MICAL2: variants seen among roughly 807,000 people sequenced by gnomAD.
MICAL2 encodes microtubule associated monooxygenase, calponin and LIM domain containing 2.
A neutral mutation model predicts 127.3 loss-of-function variants in MICAL2; 77 were observed. That is an observed-to-expected ratio of 0.60 (90% confidence interval 0.50 to 0.73). The LOEUF (loss-of-function observed/expected upper bound fraction) is 0.73, where lower values mean the gene tolerates loss of function less well. MICAL2 is among the 30% of genes least tolerant of loss of function. The pLI is 0.00. For missense variants in MICAL2, 1,351 were observed against 1,434.4 expected (o/e 0.94, Z 0.94); for synonymous variants, 570 against 551.1 (o/e 1.03, Z -0.48).
At chr11:12,317,960 T>C (rs1054448067) in intron 29 of MICAL2, among the ~76,000 whole-genome samples, 1 of 152,240 alleles carries the variant, frequency 6.6e-6, no homozygotes, top group African/African-American at 2.4e-5. Flanking sequence ...GAAATATTTA[T>C]TTTTTGAAAG....
chr11:12,357,424 TC>T (rs1220648042), intron 34 of MICAL2, among the ~76,000 whole-genome samples: 1 of 152,228 alleles, frequency 6.6e-6, no homozygotes, highest in African/African-American at 2.4e-5. Flanking sequence ...GGTCAGGTAC[TC>T]GAGAAGACAA....
chr11:12,326,394 A>G (rs1864353463), intron 31 of MICAL2, among the ~76,000 whole-genome samples: 1 of 152,242 alleles, frequency 6.6e-6, no homozygotes, highest in Non-Finnish European at 1.5e-5. Context: ...ACTTCTTTCT[A>G]ATATACACAA....
upstream of MICAL2, chr11:12,274,381 CTTA>C: frequency 6.6e-6 from 1 of 152,102 alleles, no homozygotes; most frequent in Non-Finnish European, 1.5e-5. Context: ...AAAATCACTG[CTTA>C]CATTCTAGTC....
intron 29 of MICAL2, among the ~76,000 whole-genome samples, chr11:12,308,512 G>A (rs1864138400): frequency 6.6e-6 from 1 of 152,064 alleles, no homozygotes. Context: ...ACTATTTCAT[G>A]TTTTTGTTGC....
intron 3 of MICAL2, among the ~76,000 whole-genome samples, chr11:12,197,177 A>G (rs1417371580): frequency 1.3e-5 from 2 of 152,202 alleles, no homozygotes; most frequent in African/African-American, 2.4e-5. Flanking sequence ...ATGCTCTGCC[A>G]CATAACACTT....
chr11:12,203,166 T>C (rs1316766411), intron 3 of MICAL2, among the ~76,000 whole-genome samples: 1 of 152,234 alleles, frequency 6.6e-6, no homozygotes, highest in Non-Finnish European at 1.5e-5. Context: ...TCATCAGTGG[T>C]GGCCATTTAG....
intron 11 of MICAL2, among the ~76,000 whole-genome samples, chr11:12,223,053 C>T (rs569138400): frequency 6.6e-6 from 1 of 152,220 alleles, no homozygotes; most frequent in Non-Finnish European, 1.5e-5. Context: ...CAAATATGAT[C>T]TCTGCATACC....
chr11:12,296,806 A>G (rs1863991553), downstream of MICAL2, among the ~76,000 whole-genome samples: 2 of 151,906 alleles, frequency 1.3e-5, no homozygotes, highest in Non-Finnish European at 2.9e-5. Context: ...ATAGCATGGC[A>G]GCATGCTGTG....
At chr11:12,309,800 A>ATACACATTTAC in intron 29 of MICAL2, among the ~76,000 whole-genome samples, 1 of 152,252 alleles carries the variant, frequency 6.6e-6, no homozygotes, top group South Asian at 2.1e-4. Flanking sequence ...ACAGTGTATA[A>ATACACATTTAC]GTAAATGTTC....
intron 27 of MICAL2, 170 bp downstream of exon 27, chr11:12,262,707 C>A: frequency 1.6e-6 from 1 of 625,862 alleles, no homozygotes; most frequent in Non-Finnish European, 2.9e-6. Flanking sequence ...GGGTGTTCAG[C>A]TTGAGACCCA....
intron 22 of MICAL2, chr11:12,255,131 T>C (rs566697863): frequency 2.7e-3 from 423 of 156,002 alleles, no homozygotes; most frequent in African/African-American, 1.0e-2. Context: ...TTGGTCAGGC[T>C]GGTCTTGAAC....
At chr11:12,341,271 C>A (rs760925053) in intron 32 of MICAL2, among the ~76,000 whole-genome samples, 3 of 152,026 alleles carry the variant, frequency 2.0e-5, no homozygotes, top group African/African-American at 2.4e-5. Flanking sequence ...AAGATGAAGA[C>A]TACATCAACA....
chr11:12,204,200 CTG>C lies in MICAL2; in HGVS notation c.265-47_265-46del, dbSNP rs751630601. The C allele has an allele frequency of 9.6e-6, 15 of 1,563,302 alleles. No individual in the cohort carries two copies. In the Admixed American group the frequency reaches 1.3e-4, roughly 14 times the overall value. On this transcript the variant is annotated intron_variant, in intron 3 of 27. Transcript: ENST00000683283. Reference sequence around the variant, plus strand: ...TTTCCTGCTGACTGGGGGTTCGTGTCTGTGATGCTAGAGGTTACCAAGAGTCT... The same window carrying C: ...TTTCCTGCTGACTGGGGGTTCGTGTCTGATGCTAGAGGTTACCAAGAGTCT...
intron 1 of MICAL2, among the ~76,000 whole-genome samples, chr11:12,114,769 C>T (rs1217655222): frequency 6.6e-6 from 1 of 152,212 alleles, no homozygotes; most frequent in African/African-American, 2.4e-5. Context: ...GTGGACGTTT[C>T]CTCAGCACGC....
chr11:12,219,248 G>A (rs1438495912), intron 8 of MICAL2, among the ~76,000 whole-genome samples: 1 of 152,050 alleles, frequency 6.6e-6, no homozygotes, highest in Non-Finnish European at 1.5e-5. Context: ...TTAGCCACAC[G>A]GTGAGCAGCT....
intron 3 of MICAL2, among the ~76,000 whole-genome samples, chr11:12,190,751 C>A (rs987409044): frequency 2.0e-5 from 3 of 152,130 alleles, no homozygotes; most frequent in Non-Finnish European, 2.9e-5. Context: ...TAGCATGAGT[C>A]CAGAGTTGAA....
Position 12,207,775 on chromosome 11 carries a change from G to A in MICAL2, c.473-248G>A. 7.3e-6 allele frequency: 3 copies of A among 408,504 alleles called. No individual in the cohort carries two copies. In the South Asian group the frequency reaches 1.3e-4, roughly 18 times the overall value. 25.3% of individuals were successfully genotyped at this position (408,504 alleles called of 1,614,324 possible). The stretch of plus-strand genomic sequence containing the variant: ...CTTTGCTCTGTGTCGCCTTGAGCAA[G>A]TCATTTAACTTTGTTAAGCCTCAAT... On this transcript the variant is annotated intron_variant, in intron 4 of 27. Transcript: ENST00000683283.
At chr11:12,187,455 A>G (rs1406660045) in intron 3 of MICAL2, among the ~76,000 whole-genome samples, 1 of 152,212 alleles carries the variant, frequency 6.6e-6, no homozygotes, top group South Asian at 2.1e-4. Context: ...CTGGGGCAGC[A>G]GTGAGCAAAT....
chr11:12,177,754 A>T (rs1009712380), intron 3 of MICAL2, among the ~76,000 whole-genome samples: 3 of 152,108 alleles, frequency 2.0e-5, no homozygotes, highest in African/African-American at 7.2e-5. Context: ...TCTGTAGTAC[A>T]TATTTGGTGT....
Sources: allele counts gnomAD v4.1 joint callset (sites outside exome capture counted in the v4.1 genomes callset), GRCh38; gene constraint gnomAD v4.1.1; transcripts MANE v1.5; gene names NCBI Gene and HGNC (gene_info 2026-07-23, HGNC 2026-07-21).